PITPNB: variants seen among roughly 807,000 people sequenced by gnomAD.
PITPNB encodes the protein phosphatidylinositol transfer protein beta.
PITPNB carries 16 observed loss-of-function variants against 45.9 expected under a neutral mutation model. That is an observed-to-expected ratio of 0.35 (90% CI 0.24 to 0.53). The LOEUF is 0.53. Ranked by LOEUF, PITPNB falls within the 20% of genes least tolerant of loss-of-function variation. PITPNB has a pLI of 0.93. For missense variants in PITPNB, 188 were observed against 330.5 expected, an observed-to-expected ratio of 0.57 and a Z score of 3.34; for synonymous variants, 112 against 108.9, an observed-to-expected ratio of 1.03 and a Z score of -0.18.
rs1325673523 is a variant in PITPNB at position 27,893,399 on chromosome 22, C to T, written c.456+1156G>A. On this transcript the variant is annotated intron_variant, in intron 7 of 11. Transcript: ENST00000335272. ...TCCCGGGCTCATGCCACTCTCCTGC[C>T]TCAGCCTCCCGAGTAGCTGGGACTA... Among the ~76,000 whole-genome samples, 3 of 151,684 alleles carry T rather than the reference C, an allele frequency of 2.0e-5. No homozygotes were observed. The East Asian group carries it at 5.8e-4, about 29-fold the overall frequency.
chr22:27,855,023 G>T, intron 10 of PITPNB, 84 bp from the exon 11 acceptor site: 1 of 937,892 alleles, frequency 1.1e-6, no homozygotes, highest in Non-Finnish European at 1.7e-6. Context: ...AGATCTAGAA[G>T]AGATTATGAA....
chr22:27,860,124 A>AT lies in PITPNB; in HGVS notation c.645+6dup. The AT allele has an allele frequency of 6.4e-7, 1 of 1,551,832 alleles. No individual in the cohort carries two copies. Among genetic ancestry groups the AT allele is most frequent in the Non-Finnish European group, 8.9e-7 (1 of 1,123,396 alleles). ...ATCTAAGTCACCACATTTTGAGCAG[A>AT]TTTTACCTTTTGAATGAAGTTTTCT... On this transcript the variant is annotated splice_region_variant and intron_variant, in intron 9 of 11. Transcript: ENST00000335272.
At chr22:27,901,207 G>A (rs925199661) in intron 3 of PITPNB, among the ~76,000 whole-genome samples, 10 of 152,128 alleles carry the variant, frequency 6.6e-5, no homozygotes, top group Non-Finnish European at 1.2e-4. Context: ...AATACATACC[G>A]CTTCTCCCAC....
chr22:27,876,708 C>A (rs1934830291), intron 7 of PITPNB, among the ~76,000 whole-genome samples: 1 of 151,742 alleles, frequency 6.6e-6, no homozygotes, highest in African/African-American at 2.4e-5. Context: ...TGAAAACTGG[C>A]CAATTTATAT....
At chr22:27,884,925 G>A (rs1306582047) in intron 7 of PITPNB, among the ~76,000 whole-genome samples, 1 of 151,354 alleles carries the variant, frequency 6.6e-6, no homozygotes, top group East Asian at 1.9e-4. Flanking sequence ...TACAAATAAA[G>A]TCACATAGTA....
intron 7 of PITPNB, among the ~76,000 whole-genome samples, chr22:27,880,615 T>C (rs1043662540): frequency 6.6e-6 from 1 of 152,146 alleles, no homozygotes; most frequent in Admixed American, 6.5e-5. Flanking sequence ...AAAACATGCT[T>C]GTACACACCG....
At chr22:27,857,025 G>A (rs2146345006) in intron 10 of PITPNB, among the ~76,000 whole-genome samples, 1 of 152,264 alleles carries the variant, frequency 6.6e-6, no homozygotes, top group Admixed American at 6.5e-5. Flanking sequence ...CTATTTAAGT[G>A]TTTTGCCTGT....
intron 7 of PITPNB, among the ~76,000 whole-genome samples, chr22:27,883,700 G>C (rs17480137): frequency 0.024 from 3,691 of 152,310 alleles, 51 homozygotes; most frequent in Non-Finnish European, 0.032. Flanking sequence ...AGCTAAAAAT[G>C]CTCCCCAGCG....
At chr22:27,855,180 T>C (rs1934136069) in intron 10 of PITPNB, among the ~76,000 whole-genome samples, 1 of 152,232 alleles carries the variant, frequency 6.6e-6, no homozygotes, top group African/African-American at 2.4e-5. Flanking sequence ...GCCTGCAGAC[T>C]GATAAAAAAT....
intron 8 of PITPNB, among the ~76,000 whole-genome samples, chr22:27,872,433 G>A (rs993661381): frequency 6.6e-6 from 1 of 152,042 alleles, no homozygotes; most frequent in African/African-American, 2.4e-5. Context: ...CAGGTTCTTT[G>A]TAATAATGCA....
chr22:27,879,490 G>C (rs1367349522), intron 7 of PITPNB, among the ~76,000 whole-genome samples: 1 of 152,112 alleles, frequency 6.6e-6, no homozygotes, highest in African/African-American at 2.4e-5. Context: ...CTCTCCTCAG[G>C]GGGAGGTGGG....
chr22:27,916,826 A>T (rs1936091730), intron 1 of PITPNB, among the ~76,000 whole-genome samples: 1 of 152,156 alleles, frequency 6.6e-6, no homozygotes, highest in African/African-American at 2.4e-5. Flanking sequence ...ATAAAAAAGA[A>T]TTTTATAAGA....
rs940051629 is a variant in PITPNB at position 27,852,926 on chromosome 22, A to T, written c.*776T>A. 1 of 152,668 alleles carries T rather than the reference A, an allele frequency of 6.6e-6. No homozygotes were observed. Among genetic ancestry groups the T allele is most frequent in the African/African-American group, 2.4e-5 (1 of 41,464 alleles). 9.5% of individuals were successfully genotyped at this position (152,668 alleles called of 1,614,324 possible). On this transcript the variant is annotated 3_prime_UTR_variant, in exon 12 of 12. Coordinates refer to ENST00000335272, the MANE Select transcript of PITPNB (RefSeq NM_012399.5). Reference sequence around the variant, plus strand: ...GGTTTGATGTAGAAAAATATTTGAAATTTAAAATACAAAAATCCAATAAAA... The same window carrying T: ...GGTTTGATGTAGAAAAATATTTGAATTTTAAAATACAAAAATCCAATAAAA...
At chr22:27,854,751 T>A in intron 11 of PITPNB, 103 bp downstream of exon 11, 1 of 578,542 alleles carries the variant, frequency 1.7e-6, no homozygotes, top group African/African-American at 1.9e-5. Flanking sequence ...ATTCTAAAAA[T>A]AAAACCACAT....
At chr22:27,907,038 A>G (rs1418088764) in intron 3 of PITPNB, among the ~76,000 whole-genome samples, 1 of 152,224 alleles carries the variant, frequency 6.6e-6, no homozygotes, top group Non-Finnish European at 1.5e-5. Flanking sequence ...CAAAAGTAAA[A>G]TAAGGCCTTG....
In PITPNB at chr22:27,853,068, A is replaced by G. The variant is rs1419515892; in HGVS notation, c.*634T>C. ...TGGCTACAAGATAATGACCATCCAGAAATAAATAGTTATAAATACATTCAG... is the reference window on the plus strand; with the variant it reads ...TGGCTACAAGATAATGACCATCCAGGAATAAATAGTTATAAATACATTCAG... On this transcript the variant is annotated 3_prime_UTR_variant, in exon 12 of 12. Transcript: ENST00000335272. 1 of 152,628 alleles carries G rather than the reference A, an allele frequency of 6.6e-6. No homozygotes were observed. The highest frequency in any genetic ancestry group is 1.9e-4 in the East Asian group (1 of 5,200). The allele number at this position is 152,628 out of a possible 1,614,324, so 9.5% of individuals were successfully genotyped here. A position where few individuals can be genotyped will look rare whatever the true frequency, so the allele number is the denominator to read the frequency against.
chr22:27,894,474 A>T, intron 7 of PITPNB, 81 bp downstream of exon 7: 1 of 787,054 alleles, frequency 1.3e-6, no homozygotes, highest in South Asian at 1.5e-5. Context: ...TAATTTTTTT[A>T]ACTTAATCCC....
chr22:27,854,349 C>T lies in PITPNB; in HGVS notation c.*38+505G>A, dbSNP rs922348799. Among the ~76,000 whole-genome samples, 11 of 152,006 alleles carry T rather than the reference C, an allele frequency of 7.2e-5. No homozygotes were observed. In the South Asian group the frequency reaches 8.3e-4, roughly 11 times the overall value. On this transcript the variant is annotated intron_variant, in intron 11 of 11. Coordinates refer to ENST00000335272, the MANE Select transcript of PITPNB (RefSeq NM_012399.5). ...ATAAATTAAAACTAAAGTGCATTTA[C>T]GCAGAGTAAAGCTAACTGTAACAAC...
chr22:27,905,906 T>C, intron 3 of PITPNB, among the ~76,000 whole-genome samples: 1 of 152,220 alleles, frequency 6.6e-6, no homozygotes. Context: ...AACACATTTC[T>C]TTGTCTTGCT....
Sources: allele counts gnomAD v4.1 joint callset (sites outside exome capture counted in the v4.1 genomes callset), GRCh38; gene constraint gnomAD v4.1.1; transcripts MANE v1.5; gene names NCBI Gene and HGNC (gene_info 2026-07-23, HGNC 2026-07-21).